CP: variants seen among roughly 807,000 people sequenced by gnomAD.
CP encodes the protein caeruloplasmin.
Under a neutral mutation model 122.4 loss-of-function variants are expected in CP, and 64 were observed. The ratio of observed to expected loss-of-function variants is 0.52; its 90% confidence interval spans 0.43 to 0.64. CP has a LOEUF of 0.64. CP is among the 30% of genes least tolerant of loss of function. The pLI is 0.00. For missense variants in CP, 1,167 were observed against 1,284.4 expected (o/e 0.91, Z 1.40); for synonymous variants, 440 against 436.4 (o/e 1.01, Z -0.10).
At chr3:149,220,553 ACTTT>A (rs1476894071) in intron 1 of CP, among the ~76,000 whole-genome samples, 1 of 152,022 alleles carries the variant, frequency 6.6e-6, no homozygotes, top group African/African-American at 2.4e-5. Flanking sequence ...CAGGTCAGAA[ACTTT>A]CTTTATTGTA....
At chr3:149,198,147 T>A (rs189570328) in intron 9 of CP, among the ~76,000 whole-genome samples, 5 of 152,296 alleles carry the variant, frequency 3.3e-5, no homozygotes, top group Admixed American at 3.3e-4. Context: ...TGGGGAAATG[T>A]GAACATTGAT....
At position 149,186,624 on chromosome 3, in the gene CP, A is replaced by G. The variant is rs1726190460; in HGVS notation, c.1973T>C (p.Ile658Thr). 10 of 1,614,196 alleles carry G rather than the reference A, an allele frequency of 6.2e-6. No individual in the cohort carries two copies. The highest frequency in any genetic ancestry group is 7.6e-6 in the Non-Finnish European group (9 of 1,180,028). The part of the protein sequence containing the change: ...SAGNEADVHG[I>T]YFSGNTYLWR... ...CAGATATGTGTTTCCTGAAAAGTAT[A>G]TTCCATGTACATCGGCCTCATTTCC... Residue 658 changes from isoleucine to threonine, a missense_variant, in exon 11 of 19, where the codon ATA (isoleucine) becomes ACA (threonine). Physicochemically the swap from Ile to Thr is moderately conservative, Grantham distance 89 (BLOSUM62 -1). Around this residue, in one of 2 missense-constraint regions of CP, gnomAD observed 525 missense variants for 657.2 expected, o/e 0.80. Transcript: ENST00000264613.
chr3:149,194,752 T>G (rs1252703742), intron 9 of CP, among the ~76,000 whole-genome samples: 1 of 152,228 alleles, frequency 6.6e-6, no homozygotes, highest in African/African-American at 2.4e-5. Flanking sequence ...ACTCCCTACT[T>G]TAACTTATAC....
chr3:149,164,098 A>C, intron 5 of CP: 1 of 586,174 alleles, frequency 1.7e-6, no homozygotes, highest in Non-Finnish European at 3.0e-6. Flanking sequence ...GGAGACTTGG[A>C]GGGAATGCCT....
At chr3:149,191,491 T>A (rs1320310380) in intron 9 of CP, among the ~76,000 whole-genome samples, 1 of 151,718 alleles carries the variant, frequency 6.6e-6, no homozygotes, top group Non-Finnish European at 1.5e-5. Flanking sequence ...AAAAGTAGAA[T>A]AAAGCACAAC....
intron 1 of CP, among the ~76,000 whole-genome samples, chr3:149,214,579 G>C (rs1199384826): frequency 6.6e-6 from 1 of 152,172 alleles, no homozygotes; most frequent in Non-Finnish European, 1.5e-5. Context: ...TTTGCAGCCT[G>C]TGTGGAGCAG....
chr3:149,213,723 A>T (rs1487174286), intron 1 of CP, among the ~76,000 whole-genome samples: 4 of 151,620 alleles, frequency 2.6e-5, no homozygotes, highest in Non-Finnish European at 5.9e-5. Context: ...TTTCTACTCA[A>T]CATTTGTGGG....
chr3:149,184,157 T>TC (rs1725992383), intron 12 of CP, among the ~76,000 whole-genome samples: 1 of 142,286 alleles, frequency 7.0e-6, no homozygotes, highest in Non-Finnish European at 1.5e-5. Context: ...TGCTTCAGCC[T>TC]CCGAGTAGCT....
Position 149,218,841 on chromosome 3 carries a change from G to C in CP, c.146+2806C>G, listed in dbSNP as rs564041955. On this transcript the variant is annotated intron_variant, in intron 1 of 18. Coordinates refer to ENST00000264613, the MANE Select transcript of CP (RefSeq NM_000096.4). The stretch of plus-strand genomic sequence containing the variant: ...GCATATTTTCCTGTTCATCATCCCA[G>C]ACCTTCAAGATCAACATTCAGCTTA... 2.6e-5 allele frequency among the ~76,000 whole-genome samples: 4 copies of C among 152,128 alleles called. No individual in the cohort carries two copies. The South Asian group carries it at 6.2e-4, about 24-fold the overall frequency.
intron 13 of CP, among the ~76,000 whole-genome samples, chr3:149,182,588 G>T (rs1725857120): frequency 6.6e-6 from 1 of 152,132 alleles, no homozygotes; most frequent in Admixed American, 6.5e-5. Flanking sequence ...GGATGGGAGT[G>T]GGGGTCCCTG....
At position 149,206,243 on chromosome 3, in the gene CP, G is replaced by C. The variant is rs1235598492; in HGVS notation, c.1133C>G (p.Ala378Gly). 1.9e-6 allele frequency: 3 copies of C among 1,614,008 alleles called. No individual in the cohort carries two copies. The highest frequency in any genetic ancestry group is 2.5e-6 in the Non-Finnish European group (3 of 1,179,916). ...AGCATAGTTCCAGATGATTTCCTCA[G>C]CGGCAATGTAGTAGTGTCTAACATG... ...GKHVRHYYIAAEEIIWNYAPS... is the reference protein window; with the variant it reads ...GKHVRHYYIAGEEIIWNYAPS... The change falls in exon 6 of 19, where the codon GCT (alanine) becomes GGT (glycine). Residue 378 changes from alanine (A) to glycine (G), a missense_variant. By Grantham distance (60) the Ala-to-Gly change is moderately conservative. Around this residue, in one of 2 missense-constraint regions of CP, gnomAD observed 642 missense variants for 627.3 expected, o/e 1.02. Transcript: ENST00000264613.
downstream of CP, chr3:149,167,925 T>C (rs1307983114): frequency 2.5e-6 from 4 of 1,607,886 alleles, no homozygotes; most frequent in Admixed American, 6.7e-5. Flanking sequence ...TGCCTGAACT[T>C]TGTCAGAGAA....
At chr3:149,167,715 G>A (rs935393504), downstream of CP, among the ~76,000 whole-genome samples, 4 of 152,032 alleles carry the variant, frequency 2.6e-5, no homozygotes, top group Non-Finnish European at 4.4e-5. Flanking sequence ...TGACTTTTAC[G>A]TTATAGTTAA....
chr3:149,204,898 G>A (rs1727599463), intron 6 of CP, among the ~76,000 whole-genome samples: 1 of 152,020 alleles, frequency 6.6e-6, no homozygotes, highest in African/African-American at 2.4e-5. Context: ...TACATCAAAG[G>A]ACACTATCAA....
chr3:149,177,408 A>G (rs1725488590), intron 17 of CP, among the ~76,000 whole-genome samples: 1 of 152,222 alleles, frequency 6.6e-6, no homozygotes, highest in African/African-American at 2.4e-5. Flanking sequence ...TGTGCCTTAT[A>G]TAGGCATCCC....
intron 4 of CP, 46 bp from the exon 5 acceptor site, chr3:149,207,663 G>A (rs887815796): frequency 1.3e-6 from 2 of 1,595,328 alleles, no homozygotes; most frequent in Non-Finnish European, 8.6e-7. Flanking sequence ...ATTAATGCTT[G>A]AGATAGTGAG....
At position 149,198,622 on chromosome 3, in the gene CP, C is replaced by G. The variant is rs200733770; in HGVS notation, c.1502-44G>C. ...TAGAGAGGTGAAGTGTGCTTTCTAA[C>G]GTGGTCATTTGAGCCACAAAGTAGA... On this transcript the variant is annotated intron_variant, in intron 8 of 18. Transcript: ENST00000264613. The G allele has an allele frequency of 7.8e-5, 122 of 1,570,814 alleles. No individual in the cohort carries two copies. The African/African-American group carries it at 1.5e-3, about 19-fold the overall frequency.
At chr3:149,197,786 G>A (rs945561270) in intron 9 of CP, among the ~76,000 whole-genome samples, 3 of 152,180 alleles carry the variant, frequency 2.0e-5, no homozygotes, top group African/African-American at 7.2e-5. Flanking sequence ...ATTTGCGCTC[G>A]TATGAGAATC....
chr3:149,220,011 T>C (rs1213659576), intron 1 of CP, among the ~76,000 whole-genome samples: 1 of 152,212 alleles, frequency 6.6e-6, no homozygotes, highest in African/African-American at 2.4e-5. Context: ...AGTATGTCTC[T>C]ATTAGCAGCA....
Sources: allele counts gnomAD v4.1 joint callset (sites outside exome capture counted in the v4.1 genomes callset), GRCh38; gene constraint gnomAD v4.1.1; regional missense constraint gnomAD v4.1.1; transcripts MANE v1.5; gene names NCBI Gene and HGNC (gene_info 2026-07-23, HGNC 2026-07-21).